Variants in LHFPL3 observed in about 807,000 individuals in gnomAD.
LHFPL3 encodes the protein LHFPL tetraspan subfamily member 3 protein.
In LHFPL3, 5 loss-of-function variants were observed where a neutral mutation model predicts 19.3. That is an observed-to-expected ratio of 0.26 (90% confidence interval 0.14 to 0.54). The LOEUF (loss-of-function observed/expected upper bound fraction) is 0.54, where lower values mean the gene tolerates loss of function less well. LHFPL3 is among the 20% of genes least tolerant of loss of function. The pLI, the probability that LHFPL3 is intolerant of heterozygous loss-of-function variation, is 0.94. For synonymous variants in LHFPL3, 133 were observed against 126.2 expected (o/e 1.05, Z -0.36); for missense variants, 249 against 307.4 (o/e 0.81, Z 1.42).
At chr7:104,631,031 C>T (rs1677349367) in intron 1 of LHFPL3, among the ~76,000 whole-genome samples, 1 of 152,062 alleles carries the variant, frequency 6.6e-6, no homozygotes, top group African/African-American at 2.4e-5. Flanking sequence ...TCAGAACTTG[C>T]TGAAATTCTG....
intron 2 of LHFPL3, among the ~76,000 whole-genome samples, chr7:104,761,533 A>C (rs1350900944): frequency 1.3e-5 from 2 of 152,006 alleles, no homozygotes; most frequent in African/African-American, 4.8e-5. Context: ...TCTGCTCTGT[A>C]CTCTGGTGCT....
At chr7:104,537,442 G>C (rs1375565418) in intron 1 of LHFPL3, among the ~76,000 whole-genome samples, 1 of 151,962 alleles carries the variant, frequency 6.6e-6, no homozygotes, top group Non-Finnish European at 1.5e-5. Context: ...TTTGTTTTTT[G>C]TTTGTTTGTT....
intron 1 of LHFPL3, among the ~76,000 whole-genome samples, chr7:104,589,128 G>A (rs1333599710): frequency 2.0e-5 from 3 of 152,064 alleles, no homozygotes; most frequent in African/African-American, 7.2e-5. Flanking sequence ...GATTGCCCTG[G>A]CCAGAACTTC....
At chr7:104,348,865 C>T (rs1200060240) in intron 1 of LHFPL3, among the ~76,000 whole-genome samples, 1 of 152,352 alleles carries the variant, frequency 6.6e-6, no homozygotes, top group African/African-American at 2.4e-5. Context: ...CTTACCATCC[C>T]TGCTCCATTT....
chr7:104,746,433 C>T (rs1794047766), intron 2 of LHFPL3, among the ~76,000 whole-genome samples: 2 of 152,092 alleles, frequency 1.3e-5, no homozygotes, highest in Non-Finnish European at 2.9e-5. Flanking sequence ...TATTGAGGAC[C>T]AATGAAGTCA....
chr7:104,657,972 T>A (rs1251169715), intron 1 of LHFPL3, among the ~76,000 whole-genome samples: 1 of 151,964 alleles, frequency 6.6e-6, no homozygotes, highest in African/African-American at 2.4e-5. Flanking sequence ...TATTTTTCCA[T>A]AGATACCAGC....
intron 1 of LHFPL3, among the ~76,000 whole-genome samples, chr7:104,504,136 A>G (rs1793654874): frequency 6.6e-6 from 1 of 151,948 alleles, no homozygotes; most frequent in Non-Finnish European, 1.5e-5. Flanking sequence ...TTTATTTGTT[A>G]TTCACCTCTG....
At chr7:104,624,415 C>T (rs1245720844) in intron 1 of LHFPL3, among the ~76,000 whole-genome samples, 1 of 152,182 alleles carries the variant, frequency 6.6e-6, no homozygotes, top group East Asian at 1.9e-4. Flanking sequence ...TAGTTTGCCA[C>T]TCAGGCACAA....
At chr7:104,439,430 A>C (rs1414299214) in intron 1 of LHFPL3, among the ~76,000 whole-genome samples, 1 of 152,182 alleles carries the variant, frequency 6.6e-6, no homozygotes, top group Non-Finnish European at 1.5e-5. Context: ...CTATATATAT[A>C]GTATATATAC....
At chr7:104,793,309 G>A (rs1034060667) in intron 2 of LHFPL3, among the ~76,000 whole-genome samples, 5 of 152,146 alleles carry the variant, frequency 3.3e-5, no homozygotes, top group East Asian at 1.9e-4. Context: ...GAGGAGAGGT[G>A]GGAAATATTT....
chr7:104,634,752 G>T (rs555363371), intron 1 of LHFPL3, among the ~76,000 whole-genome samples: 2 of 152,234 alleles, frequency 1.3e-5, no homozygotes, highest in African/African-American at 4.8e-5. Context: ...TCCCCAGAAG[G>T]CCAGCTGGCT....
intron 2 of LHFPL3, among the ~76,000 whole-genome samples, chr7:104,809,568 C>G (rs1239197670): frequency 6.6e-6 from 1 of 152,208 alleles, no homozygotes; most frequent in East Asian, 1.9e-4. Context: ...AATTCTATTA[C>G]TAGCACTCTC....
intron 1 of LHFPL3, among the ~76,000 whole-genome samples, chr7:104,699,284 C>A (rs1793056956): frequency 6.6e-6 from 1 of 152,186 alleles, no homozygotes; most frequent in Non-Finnish European, 1.5e-5. Flanking sequence ...ACTGAAGCAT[C>A]CATCAATAGA....
At chr7:104,375,232 C>G (rs770631139) in intron 1 of LHFPL3, among the ~76,000 whole-genome samples, 1 of 151,918 alleles carries the variant, frequency 6.6e-6, no homozygotes, top group East Asian at 1.9e-4. Flanking sequence ...CCAGCTACAC[C>G]GGGGGTGAGG....
intron 1 of LHFPL3, among the ~76,000 whole-genome samples, chr7:104,388,619 A>G (rs1056634660): frequency 1.3e-5 from 2 of 152,172 alleles, no homozygotes; most frequent in South Asian, 4.1e-4. Context: ...CTTTTTAAAT[A>G]TAGACACAAA....
chr7:104,393,938 T>A (rs1326718394), intron 1 of LHFPL3, among the ~76,000 whole-genome samples: 1 of 151,570 alleles, frequency 6.6e-6, no homozygotes, highest in Non-Finnish European at 1.5e-5. Flanking sequence ...TTGCTAGGAG[T>A]TTGAGGGTAG....
chr7:104,690,226 C>G (rs1486839857), intron 1 of LHFPL3, among the ~76,000 whole-genome samples: 5 of 152,218 alleles, frequency 3.3e-5, no homozygotes, highest in African/African-American at 9.6e-5. Context: ...AGCTGCTGTA[C>G]CAGATGTGGT....
chr7:104,413,667 G>T (rs889825047), intron 1 of LHFPL3, among the ~76,000 whole-genome samples: 1 of 152,124 alleles, frequency 6.6e-6, no homozygotes, highest in African/African-American at 2.4e-5. Flanking sequence ...TCAGTTCTGC[G>T]TCCTTCACCT....
chr7:104,329,336 T>TAATCCGCTC (rs1443095475), intron 1 of LHFPL3, 112 bp downstream of exon 1: 2 of 1,381,880 alleles, frequency 1.4e-6, no homozygotes, highest in East Asian at 4.7e-5. Flanking sequence ...CCAAGCCGCC[T>TAATCCGCTC]AATCCGCTCA....
Sources: allele counts gnomAD v4.1 joint callset (sites outside exome capture counted in the v4.1 genomes callset), GRCh38; gene constraint gnomAD v4.1.1; transcripts MANE v1.5; gene names NCBI Gene and HGNC (gene_info 2026-07-23, HGNC 2026-07-21).